The following SRRM4 variants were observed in gnomAD, a reference collection of about 807,000 sequenced individuals.
SRRM4 encodes the protein serine/arginine repetitive matrix protein 4.
Under a neutral mutation model 68.9 loss-of-function variants are expected in SRRM4, and 33 were observed. The ratio of observed to expected loss-of-function variants is 0.48; its 90% CI spans 0.36 to 0.64. SRRM4 has a LOEUF of 0.64. SRRM4 is among the 30% of genes least tolerant of loss of function. The pLI is 0.00. For synonymous variants in SRRM4, 318 were observed against 318.8 expected, an observed-to-expected ratio of 1.00 and a Z score of 0.03; for missense variants, 817 against 827.1, an observed-to-expected ratio of 0.99 and a Z score of 0.15.
At chr12:119,031,172 A>G (rs1286879343) in intron 1 of SRRM4, 6 of 152,318 alleles carry the variant, frequency 3.9e-5, no homozygotes, top group Admixed American at 2.0e-4. Flanking sequence ...TGAAGACTCA[A>G]TTGGGGAAGG....
chr12:119,135,114 G>T (rs1954320054), intron 8 of SRRM4, among the ~76,000 whole-genome samples: 1 of 152,188 alleles, frequency 6.6e-6, no homozygotes, highest in Admixed American at 6.5e-5. Flanking sequence ...AAGGGGAACT[G>T]TTATGAGTTG....
chr12:119,034,606 C>T (rs61937963), intron 1 of SRRM4, among the ~76,000 whole-genome samples: 5,981 of 152,246 alleles, frequency 0.039, 147 homozygotes, highest in Middle Eastern at 0.088. Flanking sequence ...GCTGTTTCTC[C>T]TTGTATTTTT....
At chr12:118,988,210 G>C (rs1402002252) in intron 1 of SRRM4, among the ~76,000 whole-genome samples, 1 of 152,010 alleles carries the variant, frequency 6.6e-6, no homozygotes, top group Non-Finnish European at 1.5e-5. Context: ...TTAGTTATCC[G>C]ATCTGCAAAA....
At chr12:119,131,338 G>C (rs921974284) in intron 8 of SRRM4, among the ~76,000 whole-genome samples, 2 of 152,192 alleles carry the variant, frequency 1.3e-5, no homozygotes, top group Non-Finnish European at 1.5e-5. Flanking sequence ...TTCCAAGGAG[G>C]TCATAGCTCT....
chr12:119,060,078 T>C (rs1441929533), intron 1 of SRRM4, among the ~76,000 whole-genome samples: 1 of 151,898 alleles, frequency 6.6e-6, no homozygotes, highest in South Asian at 2.1e-4. Flanking sequence ...TTTGTGTAGA[T>C]TTAACCCACT....
At chr12:119,150,629 A>G (rs1426943019) in intron 9 of SRRM4, among the ~76,000 whole-genome samples, 2 of 152,234 alleles carry the variant, frequency 1.3e-5, no homozygotes, top group East Asian at 1.9e-4. Flanking sequence ...CAAACCAACT[A>G]GCACCCAATG....
chr12:119,122,870 G>A (rs1954231604), intron 6 of SRRM4, among the ~76,000 whole-genome samples: 1 of 152,214 alleles, frequency 6.6e-6, no homozygotes, highest in African/African-American at 2.4e-5. Context: ...TGGATTTACA[G>A]TGTGGAGATG....
At chr12:119,092,498 C>A (rs1448616606) in intron 1 of SRRM4, among the ~76,000 whole-genome samples, 3 of 152,140 alleles carry the variant, frequency 2.0e-5, no homozygotes, top group Non-Finnish European at 4.4e-5. Context: ...CAGCAAGAGC[C>A]TCCCAGTTGC....
intron 1 of SRRM4, among the ~76,000 whole-genome samples, chr12:119,026,254 G>T (rs1455903687): frequency 2.0e-5 from 3 of 151,994 alleles, no homozygotes; most frequent in Non-Finnish European, 4.4e-5. Flanking sequence ...AGAAATGTGA[G>T]GTGGAGCTGC....
intron 1 of SRRM4, among the ~76,000 whole-genome samples, chr12:119,010,167 C>T (rs1254592904): frequency 1.3e-5 from 2 of 152,214 alleles, no homozygotes; most frequent in Non-Finnish European, 2.9e-5. Flanking sequence ...ATTCTCCGGC[C>T]TCAGCCTCCT....
intron 1 of SRRM4, among the ~76,000 whole-genome samples, chr12:119,054,023 G>A (rs542636219): frequency 8.6e-5 from 13 of 152,024 alleles, no homozygotes; most frequent in East Asian, 3.9e-4. Flanking sequence ...GCACCTCCCC[G>A]CTACCAACCT....
chr12:119,095,507 C>T (rs749291226), intron 1 of SRRM4, among the ~76,000 whole-genome samples: 1 of 152,124 alleles, frequency 6.6e-6, no homozygotes, highest in Non-Finnish European at 1.5e-5. Flanking sequence ...GTTCACCATG[C>T]TGCTGCTGCA....
intron 1 of SRRM4, among the ~76,000 whole-genome samples, chr12:119,071,684 T>G (rs1374242481): frequency 6.6e-6 from 1 of 152,204 alleles, no homozygotes; most frequent in Non-Finnish European, 1.5e-5. Flanking sequence ...AACTAATGAC[T>G]GTTTCCTGTT....
At chr12:119,142,514 C>T (rs1037921909) in intron 8 of SRRM4, among the ~76,000 whole-genome samples, 7 of 152,138 alleles carry the variant, frequency 4.6e-5, no homozygotes, top group South Asian at 2.1e-4. Context: ...TCCTTGCCTA[C>T]GGGGATCCAT....
chr12:119,131,254 G>A (rs989153292), intron 8 of SRRM4, among the ~76,000 whole-genome samples: 2 of 152,204 alleles, frequency 1.3e-5, no homozygotes, highest in African/African-American at 4.8e-5. Flanking sequence ...ATGCCAGCTG[G>A]CTGGCAGCAT....
Position 119,145,624 on chromosome 12 carries a change from C to A in SRRM4, c.1015C>A (p.Pro339Thr). ...AGGGAACTCCTTCACCACCTCCTCA[C>A]CCCAGAACAAGGGGGCCATGTTGGA... ...DSGNSFTTSS[P>T]QNKGAMLENL... The change falls in exon 9 of 13, where the codon CCC becomes ACC. Residue 339 changes from proline to threonine, a missense_variant. Transcript: ENST00000267260. 6.5e-7 allele frequency: 1 copy of A among 1,548,768 alleles called. No homozygotes were observed.
chr12:119,050,017 T>C (rs551060683), intron 1 of SRRM4, among the ~76,000 whole-genome samples: 2 of 152,332 alleles, frequency 1.3e-5, no homozygotes, highest in East Asian at 3.9e-4. Context: ...AGAGACACAA[T>C]TCAGCCTCAA....
intron 1 of SRRM4, among the ~76,000 whole-genome samples, chr12:118,999,143 AC>A (rs1364275936): frequency 6.6e-6 from 1 of 152,192 alleles, no homozygotes; most frequent in Non-Finnish European, 1.5e-5. Context: ...GGGTCCAAGG[AC>A]CCAGCCCCCA....
At chr12:119,047,511 A>G (rs1404407433) in intron 1 of SRRM4, among the ~76,000 whole-genome samples, 1 of 152,142 alleles carries the variant, frequency 6.6e-6, no homozygotes, top group East Asian at 1.9e-4. Flanking sequence ...CAAGTCCCCA[A>G]AGTCCATTGA....
Sources: allele counts gnomAD v4.1 joint callset (sites outside exome capture counted in the v4.1 genomes callset), GRCh38; gene constraint gnomAD v4.1.1; transcripts MANE v1.5; gene names NCBI Gene and HGNC (gene_info 2026-07-23, HGNC 2026-07-21).